Variants in SLC16A6 observed in about 807,000 individuals in gnomAD.
The protein encoded by SLC16A6 is monocarboxylate transporter 7.
SLC16A6 carries 15 observed loss-of-function variants against 33.8 expected under a neutral mutation model. The ratio of observed to expected loss-of-function variants is 0.44; its 90% confidence interval spans 0.30 to 0.68. SLC16A6 has a LOEUF of 0.68. Ranked by LOEUF, SLC16A6 falls within the 30% of genes least tolerant of loss-of-function variation. SLC16A6 has a pLI of 0.10. For missense variants in SLC16A6, 451 were observed against 661.5 expected (o/e 0.68, Z 3.49); for synonymous variants, 219 against 248.4 (o/e 0.88, Z 1.11).
At chr17:68,276,824 AC>A (rs2075538913) in intron 2 of SLC16A6, among the ~76,000 whole-genome samples, 1 of 152,178 alleles carries the variant, frequency 6.6e-6, no homozygotes, top group African/African-American at 2.4e-5. Flanking sequence ...TTTCTGACAG[AC>A]CAATGAACTC....
Position 68,270,849 on chromosome 17 carries a change from C to T in SLC16A6, c.1311G>A (p.Pro437=), listed in dbSNP as rs782723677. Residue 437 remains proline, a synonymous_variant, in exon 5 of 6, where the codon CCG becomes CCA. Transcript: ENST00000580666. ...GTGTATTTAAATTACCTGCAAGGGG[C>T]GGTCCAGCCAGTCCTGCTATGCTCT... is the stretch of plus-strand genomic sequence containing the variant. ...FIQSIAGLAG[P]PLAGLLVDQS... 1.7e-5 allele frequency: 28 copies of T among 1,606,328 alleles called. No individual in the cohort carries two copies. Among genetic ancestry groups the T allele is most frequent in the Middle Eastern group, 3.3e-4 (2 of 6,000 alleles).
intron 1 of SLC16A6, among the ~76,000 whole-genome samples, chr17:68,278,736 C>T (rs1377710053): frequency 6.6e-6 from 1 of 150,736 alleles, no homozygotes; most frequent in Non-Finnish European, 1.5e-5. Flanking sequence ...TCTCCTGCCT[C>T]AGCCTCCCGA....
chr17:68,284,338 G>A (rs1309278107), intron 1 of SLC16A6, among the ~76,000 whole-genome samples: 1 of 152,110 alleles, frequency 6.6e-6, no homozygotes, highest in African/African-American at 2.4e-5. Context: ...AGGTTGCAAT[G>A]AGCCAAGATC....
At position 68,269,128 on chromosome 17, in the gene SLC16A6, G is replaced by A; in HGVS notation, c.1540C>T (p.His514Tyr). 1.3e-6 allele frequency: 2 copies of A among 1,513,444 alleles called. No homozygotes were observed. Among genetic ancestry groups the A allele is most frequent in the Non-Finnish European group, 1.8e-6 (2 of 1,133,366 alleles). 93.8% of individuals were successfully genotyped at this position (1,513,444 alleles called of 1,614,324 possible). ...GGCTCCATTTGCACGTGAACTCTGT[G>A]CTCATTTTTTGCAAGATCCATTTCC... ...FLEMDLAKNE[H>Y]RVHVQMEPV Residue 514 changes from histidine (H) to tyrosine (Y), a missense_variant, in exon 6 of 6, where the codon CAC becomes TAC. Coordinates refer to ENST00000580666, the MANE Select transcript of SLC16A6 (RefSeq NM_004694.5).
intron 3 of SLC16A6, 174 bp downstream of exon 3, chr17:68,273,753 A>G: frequency 1.6e-6 from 1 of 615,770 alleles, no homozygotes; most frequent in Non-Finnish European, 2.6e-6. Context: ...ACAGATTCCC[A>G]GGTCCCCTGA....
rs577397215 is a variant in SLC16A6 at position 68,268,782 on chromosome 17, T to C, written c.*314A>G. The C allele has an allele frequency of 5.8e-4, 171 of 296,322 alleles. 3 individuals carry two copies. The South Asian group carries it at 8.4e-3, about 15-fold the overall frequency. 18.4% of individuals were successfully genotyped at this position (296,322 alleles called of 1,614,324 possible). A position where few individuals can be genotyped will look rare whatever the true frequency, so the allele number is the denominator to read the frequency against. On this transcript the variant is annotated 3_prime_UTR_variant, in exon 6 of 6. Transcript: ENST00000580666. ...ACTTTGCCAGTTCATGTCACTATTT[T>C]AATATCGGAATGTGAACCAAAGAGT... is the stretch of plus-strand genomic sequence containing the variant.
At chr17:68,286,698 T>G (rs2075850424) in intron 1 of SLC16A6, among the ~76,000 whole-genome samples, 1 of 151,780 alleles carries the variant, frequency 6.6e-6, no homozygotes, top group Non-Finnish European at 1.5e-5. Flanking sequence ...AGAGATGAGG[T>G]TTCAGTATGT....
intron 2 of SLC16A6, among the ~76,000 whole-genome samples, chr17:68,276,017 C>T (rs1555750788): frequency 1.3e-5 from 2 of 150,442 alleles, no homozygotes; most frequent in Non-Finnish European, 3.0e-5. Flanking sequence ...TTGATACTCA[C>T]TTAAAATAGA....
intron 2 of SLC16A6, among the ~76,000 whole-genome samples, 156 bp downstream of exon 2, chr17:68,277,933 T>C (rs1365444364): frequency 3.3e-5 from 5 of 152,158 alleles, no homozygotes; most frequent in African/African-American, 1.2e-4. Flanking sequence ...TTGCCAATCC[T>C]CAATGCTCTG....
intron 2 of SLC16A6, 168 bp from the exon 3 acceptor site, chr17:68,274,238 G>C (rs1297799107): frequency 1.6e-6 from 1 of 609,598 alleles, no homozygotes; most frequent in Non-Finnish European, 2.7e-6. Flanking sequence ...GGTTGAGGAC[G>C]GAGGATCGCT....
At chr17:68,270,818 T>C in intron 5 of SLC16A6, 21 bp downstream of exon 5, 1 of 1,566,970 alleles carries the variant, frequency 6.4e-7, no homozygotes. Context: ...CAAGTGTTTG[T>C]ATTTTGTGTA....
chr17:68,279,056 A>C (rs2075614611), intron 1 of SLC16A6, among the ~76,000 whole-genome samples: 1 of 152,226 alleles, frequency 6.6e-6, no homozygotes, highest in Admixed American at 6.5e-5. Flanking sequence ...ACAGACATGA[A>C]GAACCAGAGC....
At chr17:68,274,237 C>T (rs1046479123) in intron 2 of SLC16A6, 167 bp from the exon 3 acceptor site, 5 of 607,806 alleles carry the variant, frequency 8.2e-6, no homozygotes, top group Admixed American at 3.1e-5. Flanking sequence ...AGGTTGAGGA[C>T]GGAGGATCGC....
At chr17:68,270,414 C>A (rs541350212) in intron 5 of SLC16A6, among the ~76,000 whole-genome samples, 1 of 152,120 alleles carries the variant, frequency 6.6e-6, no homozygotes. Flanking sequence ...ATTAGCCAGG[C>A]GTGGTGGTGG....
chr17:68,286,058 A>G (rs1396088204), intron 1 of SLC16A6, among the ~76,000 whole-genome samples: 1 of 152,108 alleles, frequency 6.6e-6, no homozygotes, highest in Non-Finnish European at 1.5e-5. Context: ...CGCGCCTGGC[A>G]TAATTTTTAT....
In SLC16A6 at chr17:68,278,311, T is replaced by A. The variant is rs1555751712; in HGVS notation, c.10A>T (p.Asn4Tyr). MTQ[N>Y]KLKLCSKANV... The stretch of plus-strand genomic sequence containing the variant: ...GCTTTGGAACAAAGCTTTAATTTAT[T>A]TTGGGTCATTCTTAATCTGAAAGAA... Residue 4 changes from asparagine (N) to tyrosine (Y), a missense_variant, in exon 2 of 6, where the codon AAT becomes TAT. Coordinates refer to ENST00000580666, the MANE Select transcript of SLC16A6 (RefSeq NM_004694.5). 6.2e-7 allele frequency: 1 copy of A among 1,612,828 alleles called. No individual in the cohort carries two copies. The highest frequency in any genetic ancestry group is 2.2e-5 in the East Asian group (1 of 44,880).
At chr17:68,288,934 G>A (rs2075903748) in intron 1 of SLC16A6, among the ~76,000 whole-genome samples, 1 of 152,282 alleles carries the variant, frequency 6.6e-6, no homozygotes, top group South Asian at 2.1e-4. Flanking sequence ...TTCTGAATGG[G>A]GGTTCCCGGC....
intron 2 of SLC16A6, among the ~76,000 whole-genome samples, chr17:68,277,429 C>T (rs1478532547): frequency 4.6e-5 from 7 of 151,062 alleles, no homozygotes; most frequent in African/African-American, 9.8e-5. Context: ...CGCGCCCGGC[C>T]GCAACTTTTT....
At chr17:68,273,490 G>A (rs994109767) in intron 3 of SLC16A6, among the ~76,000 whole-genome samples, 1 of 152,076 alleles carries the variant, frequency 6.6e-6, no homozygotes, top group Non-Finnish European at 1.5e-5. Flanking sequence ...CGAAGTGCTG[G>A]GATTACAGGC....
Sources: allele counts gnomAD v4.1 joint callset (sites outside exome capture counted in the v4.1 genomes callset), GRCh38; gene constraint gnomAD v4.1.1; transcripts MANE v1.5; gene names NCBI Gene and HGNC (gene_info 2026-07-23, HGNC 2026-07-21).